Variants in BRWD3 observed in about 807,000 individuals in gnomAD.
BRWD3 encodes bromodomain and WD repeat domain containing 3.
A neutral mutation model predicts 149.7 loss-of-function variants in BRWD3; 10 were observed. That is an observed-to-expected ratio of 0.07 (90% CI 0.04 to 0.11). The LOEUF (loss-of-function observed/expected upper bound fraction) is 0.11, where lower values mean the gene tolerates loss of function less well. Ranked by LOEUF, BRWD3 falls within the 10% of genes least tolerant of loss-of-function variation. The pLI is 1.00. For synonymous variants in BRWD3, 504 were observed against 456.7 expected (o/e 1.10, Z -1.32); for missense variants, 940 against 1,373.2 (o/e 0.68, Z 4.99).
Position 80,703,819 on chromosome X carries a change from C to G in BRWD3, c.2722-226G>C, listed in dbSNP as rs978859895. Reference sequence around the variant, plus strand: ...TTAACTGACAAGTAATAACTTGACACTATAGACTACCTGAAAACCATAACT... The same window carrying G: ...TTAACTGACAAGTAATAACTTGACAGTATAGACTACCTGAAAACCATAACT... On this transcript the variant is annotated intron_variant, in intron 23 of 40. Transcript: ENST00000373275. Among the ~76,000 whole-genome samples, 4 of 111,707 alleles carry G rather than the reference C, an allele frequency of 3.6e-5. No individual in the cohort carries two copies. The Admixed American group carries it at 3.8e-4, about 11-fold the overall frequency.
chrX:80,731,007 T>A (rs1376796815), intron 12 of BRWD3, among the ~76,000 whole-genome samples: 1 of 111,699 alleles, frequency 9.0e-6, no homozygotes, highest in Non-Finnish European at 1.9e-5. Context: ...GTGATGAACA[T>A]CTCTATATAA....
At chrX:80,704,597 AAT>A in intron 23 of BRWD3, 79 bp downstream of exon 23, 1 of 896,016 alleles carries the variant, frequency 1.1e-6, no homozygotes, top group Non-Finnish European at 1.6e-6. Context: ...GAGAAAAGTC[AAT>A]GTTACAATTA....
rs888826187 is a variant in BRWD3 at position 80,703,954 on chromosome X, G to A, written c.2722-361C>T. 2.7e-4 allele frequency among the ~76,000 whole-genome samples: 30 copies of A among 112,110 alleles called. 1 individual carries two copies. Among genetic ancestry groups the A allele is most frequent in the African/African-American group, 9.7e-4 (30 of 30,957 alleles). ...TTGTCTACTAAAGCAAAAGACTATA[G>A]AATGTGTCTATAATCAATTTTGAAG... On this transcript the variant is annotated intron_variant, in intron 23 of 40. Coordinates refer to ENST00000373275, the MANE Select transcript of BRWD3 (RefSeq NM_153252.5).
At chrX:80,746,152 A>ACAC (rs1315353354) in intron 6 of BRWD3, among the ~76,000 whole-genome samples, 1 of 110,749 alleles carries the variant, frequency 9.0e-6, no homozygotes, top group Non-Finnish European at 1.9e-5. Context: ...CTACCTCCTC[A>ACAC]CACCTATCCA....
chrX:80,708,729 T>A (rs1014327452), intron 21 of BRWD3, among the ~76,000 whole-genome samples: 1 of 109,428 alleles, frequency 9.1e-6, no homozygotes, highest in Non-Finnish European at 1.9e-5. Flanking sequence ...GGCAGGAGAA[T>A]CTCTTGAACC....
intron 6 of BRWD3, among the ~76,000 whole-genome samples, chrX:80,760,104 G>T (rs2073787368): frequency 8.9e-6 from 1 of 111,795 alleles, no homozygotes; most frequent in Non-Finnish European, 1.9e-5. Context: ...AGTTTACTTT[G>T]TTACTTCATA....
chrX:80,770,368 C>T (rs71529330), intron 6 of BRWD3, among the ~76,000 whole-genome samples: 1 of 111,745 alleles, frequency 8.9e-6, no homozygotes, highest in African/African-American at 3.3e-5. Flanking sequence ...TACTGGCAAA[C>T]CGAATCCAGC....
intron 6 of BRWD3, among the ~76,000 whole-genome samples, chrX:80,780,930 T>C (rs1052901580): frequency 8.9e-6 from 1 of 112,109 alleles, no homozygotes; most frequent in Admixed American, 9.5e-5. Flanking sequence ...AAGAGATAGA[T>C]TCCTCACCTC....
chrX:80,805,307 T>C (rs1410281868), intron 4 of BRWD3, among the ~76,000 whole-genome samples: 1 of 111,603 alleles, frequency 9.0e-6, no homozygotes, highest in Non-Finnish European at 1.9e-5. Context: ...TACCTTAATA[T>C]TATTCTGATA....
intron 16 of BRWD3, among the ~76,000 whole-genome samples, chrX:80,723,336 A>G (rs1368173278): frequency 9.0e-6 from 1 of 111,221 alleles, no homozygotes; most frequent in Non-Finnish European, 1.9e-5. Flanking sequence ...TAGCTCCCAA[A>G]GTATTTCAAC....
chrX:80,725,659 T>C (rs981437043), intron 14 of BRWD3, among the ~76,000 whole-genome samples: 3 of 112,375 alleles, frequency 2.7e-5, no homozygotes, highest in African/African-American at 6.4e-5. Flanking sequence ...TGTTTACATG[T>C]GTTACATGCC....
intron 15 of BRWD3, 69 bp from the exon 16 acceptor site, chrX:80,723,945 C>T: frequency 9.3e-7 from 1 of 1,070,652 alleles, no homozygotes; most frequent in Non-Finnish European, 1.3e-6. Flanking sequence ...GGTAACTTCT[C>T]CTTGTTAATA....
At chrX:80,743,789 AATAAG>A in intron 8 of BRWD3, 2 of 349,018 alleles carry the variant, frequency 5.7e-6, no homozygotes, top group Non-Finnish European at 9.9e-6. Flanking sequence ...AACAAATACA[AATAAG>A]ATATCTCACT....
At chrX:80,742,557 T>C (rs2073529780) in intron 8 of BRWD3, among the ~76,000 whole-genome samples, 2 of 110,332 alleles carry the variant, frequency 1.8e-5, no homozygotes, top group Non-Finnish European at 3.8e-5. Context: ...TTTGTTTGTA[T>C]CCTCTTTTAT....
chrX:80,781,985 T>C (rs1203150395), intron 6 of BRWD3, among the ~76,000 whole-genome samples: 1 of 111,887 alleles, frequency 8.9e-6, no homozygotes, highest in Non-Finnish European at 1.9e-5. Context: ...ATGACATTCT[T>C]CACAGAAATA....
At chrX:80,785,531 TTAAC>T (rs1420000083) in intron 6 of BRWD3, among the ~76,000 whole-genome samples, 1 of 111,877 alleles carries the variant, frequency 8.9e-6, no homozygotes, top group African/African-American at 3.2e-5. Context: ...ACTTTTTTGA[TTAAC>T]TATACGAACG....
chrX:80,743,861 T>C (rs2073554684), intron 8 of BRWD3, 171 bp downstream of exon 8: 5 of 401,386 alleles, frequency 1.2e-5, no homozygotes, highest in Non-Finnish European at 2.2e-5. Flanking sequence ...AAGATAATCA[T>C]ATGAAAAAGG....
At chrX:80,775,166 G>GAGTT (rs772717881) in intron 6 of BRWD3, among the ~76,000 whole-genome samples, 12 of 111,825 alleles carry the variant, frequency 1.1e-4, no homozygotes, top group Non-Finnish European at 1.5e-4. Context: ...CACAGCAACA[G>GAGTT]AGTTGAGTAA....
chrX:80,735,474 A>C (rs1258148761), intron 9 of BRWD3, among the ~76,000 whole-genome samples: 1 of 111,857 alleles, frequency 8.9e-6, no homozygotes, highest in African/African-American at 3.2e-5. Context: ...GAAATGAAAC[A>C]AATAAAATCC....
Sources: gnomAD v4.1 joint callset for allele counts (sites outside exome capture counted in the v4.1 genomes callset) on GRCh38, gnomAD v4.1.1 for gene constraint, MANE v1.5 for transcripts, NCBI Gene and HGNC (gene_info 2026-07-23, HGNC 2026-07-21) for gene names.